Variants in SYNE2 observed in about 807,000 individuals in gnomAD.
SYNE2 encodes the protein spectrin repeat containing nuclear envelope protein 2.
In SYNE2, 431 loss-of-function variants were observed where a neutral mutation model predicts 856.3. The observed-to-expected ratio is 0.50, with a 90% CI of 0.47 to 0.55. SYNE2 has a LOEUF of 0.55. Ranked by LOEUF, SYNE2 falls within the 20% of genes least tolerant of loss-of-function variation. The pLI, the probability that SYNE2 is intolerant of heterozygous loss-of-function variation, is 0.00. For missense variants in SYNE2, 8,129 were observed against 8,023.2 expected, an observed-to-expected ratio of 1.01 and a Z score of -0.50; for synonymous variants, 2,923 against 2,872.3, an observed-to-expected ratio of 1.02 and a Z score of -0.56.
At position 63,832,751 on chromosome 14, in the gene SYNE2, G is replaced by A. The variant is rs368221459; in HGVS notation, c.-304-19750G>A. ...TTACTGGTAAATAATAATGCAGACCGGGTGCCATGGCTCACACCTGTAATC... is the reference window on the plus strand; with the variant it reads ...TTACTGGTAAATAATAATGCAGACCAGGTGCCATGGCTCACACCTGTAATC... On this transcript the variant is annotated intron_variant, in intron 1 of 23. Transcript: ENST00000674003. Among the ~76,000 whole-genome samples the A allele has an allele frequency of 5.1e-4, 78 of 151,528 alleles. 1 individual carries two copies. In the South Asian group the frequency reaches 0.013, roughly 24 times the overall value.
At chr14:63,874,734 G>T (rs768995769) in intron 1 of SYNE2, among the ~76,000 whole-genome samples, 5 of 152,146 alleles carry the variant, frequency 3.3e-5, no homozygotes, top group Non-Finnish European at 7.4e-5. Flanking sequence ...CTTGCAAGAA[G>T]ATTTAGCAAT....
At position 63,973,465 on chromosome 14, in the gene SYNE2, C is replaced by G. The variant is rs187989209; in HGVS notation, c.1129-3098C>G. On this transcript the variant is annotated intron_variant, in intron 11 of 115. Transcript: ENST00000555002. ...TGGTCAACATGGTGAAACCTCGTCT[C>G]TACTAAAAACACAAAAATTAGCCAG... Among the ~76,000 whole-genome samples the G allele has an allele frequency of 1.7e-3, 260 of 151,586 alleles. 1 individual carries two copies. The highest frequency in any genetic ancestry group is 6.0e-3 in the African/African-American group (247 of 41,328).
Position 64,202,913 on chromosome 14 carries a change from T to G in SYNE2, c.18151T>G (p.Tyr6051Asp), listed in dbSNP as rs1397671989. 1.2e-6 allele frequency: 2 copies of G among 1,614,234 alleles called. No homozygotes were observed. The highest frequency in any genetic ancestry group is 8.5e-7 in the Non-Finnish European group (1 of 1,180,038). Residue 6051 changes from tyrosine to aspartate, a missense_variant, in exon 100 of 116, where the codon TAT becomes GAT. Physicochemically the swap from Tyr to Asp is radical, Grantham distance 160. Transcript: ENST00000555002. ...IESELSKPVV[Y>D]DVCDDQEIQK... ...GTCTGAGCTTTCCAAGCCTGTTGTT[T>G]ATGATGTCTGCGATGATCAAGAGAT...
At chr14:63,774,194 C>T (rs912111995) in intron 1 of SYNE2, among the ~76,000 whole-genome samples, 2 of 150,700 alleles carry the variant, frequency 1.3e-5, no homozygotes, top group African/African-American at 4.9e-5. Context: ...ATTGGGCAGG[C>T]GCAGTGGCTC....
Position 64,208,839 on chromosome 14 carries a change from G to A in SYNE2, c.18283G>A (p.Asp6095Asn), listed in dbSNP as rs1018261125. Residue 6095 changes from aspartate (D) to asparagine (N), a missense_variant, in exon 101 of 116, where the codon GAT (aspartate) becomes AAT (asparagine). Physicochemically the swap from Asp to Asn is conservative, Grantham distance 23. Transcript: ENST00000555002. ...NICDVLLHDS[D>N]ACANETECDS... Reference sequence around the variant, plus strand: ...CTGTGACGTCCTACTGCACGACTCCGATGCCTGTGCAAATGAGACCGAGTG... The same window carrying A: ...CTGTGACGTCCTACTGCACGACTCCAATGCCTGTGCAAATGAGACCGAGTG... The A allele has an allele frequency of 8.1e-6, 13 of 1,614,094 alleles. No individual in the cohort carries two copies. Among genetic ancestry groups the A allele is most frequent in the South Asian group, 1.1e-5 (1 of 91,088 alleles).
chr14:63,807,166 A>G (rs984586246), intron 1 of SYNE2, among the ~76,000 whole-genome samples: 3 of 152,134 alleles, frequency 2.0e-5, no homozygotes, highest in Non-Finnish European at 4.4e-5. Context: ...TACAAAAAGT[A>G]CCAAAAAATA....
chr14:64,132,915 G>T (rs928304971), intron 77 of SYNE2, among the ~76,000 whole-genome samples: 1 of 152,048 alleles, frequency 6.6e-6, no homozygotes, highest in Non-Finnish European at 1.5e-5. Flanking sequence ...AATAAAATAG[G>T]AAGGAGGCCG....
chr14:63,888,786 T>G (rs1321459945), intron 1 of SYNE2, among the ~76,000 whole-genome samples: 2 of 152,236 alleles, frequency 1.3e-5, no homozygotes, highest in Non-Finnish European at 2.9e-5. Context: ...ATGTAAATTT[T>G]TATGAACCAT....
chr14:64,134,306 A>G (rs932095365), intron 78 of SYNE2, 106 bp downstream of exon 78: 41 of 1,172,636 alleles, frequency 3.5e-5, no homozygotes, highest in Non-Finnish European at 5.0e-5. Flanking sequence ...TTGAAACAAA[A>G]TGTTCATCAT....
At chr14:63,823,474 G>A (rs1889304528) in intron 1 of SYNE2, among the ~76,000 whole-genome samples, 1 of 151,936 alleles carries the variant, frequency 6.6e-6, no homozygotes, top group Non-Finnish European at 1.5e-5. Flanking sequence ...ACCACACCCA[G>A]CCCAAGTCTA....
At position 64,081,701 on chromosome 14, in the gene SYNE2, C is replaced by G. The variant is rs17101626; in HGVS notation, c.11484+121C>G. 0.044 allele frequency: 51,046 copies of G among 1,150,410 alleles called. 1,703 individuals carry two copies. The highest frequency in any genetic ancestry group is 0.15 in the African/African-American group (10,100 of 66,066). 71.3% of individuals were successfully genotyped at this position (1,150,410 alleles called of 1,614,324 possible). ...AATACAACCTTACCGCTAACCATGT[C>G]AGTGGCAGAAGGAAGCTTGAGAGAG... On this transcript the variant is annotated intron_variant, in intron 57 of 115. Transcript: ENST00000555002.
chr14:63,865,932 A>G (rs1251737014), intron 1 of SYNE2, among the ~76,000 whole-genome samples: 1 of 152,056 alleles, frequency 6.6e-6, no homozygotes, highest in Non-Finnish European at 1.5e-5. Context: ...TCCAACAACA[A>G]AAATGTTCCT....
chr14:64,049,540 G>GAAA, intron 46 of SYNE2, 71 bp from the exon 47 acceptor site: 2 of 1,528,898 alleles, frequency 1.3e-6, no homozygotes, highest in Non-Finnish European at 1.8e-6. Flanking sequence ...TCTCAAAGAG[G>GAAA]AAAGAAGATG....
chr14:64,219,869 C>G (rs2098686588), intron 110 of SYNE2, among the ~76,000 whole-genome samples: 2 of 152,168 alleles, frequency 1.3e-5, no homozygotes, highest in Non-Finnish European at 2.9e-5. Flanking sequence ...CCCTTTTATG[C>G]AATTAGGATG....
chr14:64,049,736 G>C lies in SYNE2; in HGVS notation c.7503G>C (p.Leu2501Phe). ...LHNIGYSAQH[L>F]DNLLQALITL... ...ATATAGGATATTCGGCACAGCATTTGGACAATTTGCTTCAGGCACTTATTA... is the reference window on the plus strand; with the variant it reads ...ATATAGGATATTCGGCACAGCATTTCGACAATTTGCTTCAGGCACTTATTA... The change falls in exon 47 of 116, where the codon TTG (leucine) becomes TTC (phenylalanine). Residue 2501 changes from leucine to phenylalanine, a missense_variant. By Grantham distance (22) the Leu-to-Phe change is conservative. Coordinates refer to ENST00000555002, the MANE Select transcript of SYNE2 (RefSeq NM_182914.3). The C allele has an allele frequency of 1.9e-6, 3 of 1,614,082 alleles. No individual in the cohort carries two copies. The highest frequency in any genetic ancestry group is 2.5e-6 in the Non-Finnish European group (3 of 1,180,004).
intron 1 of SYNE2, among the ~76,000 whole-genome samples, chr14:63,868,433 C>T (rs1359791895): frequency 6.6e-6 from 1 of 151,336 alleles, no homozygotes; most frequent in Non-Finnish European, 1.5e-5. Flanking sequence ...CGAGATCATG[C>T]CACTGCACTC....
At chr14:64,162,409 T>C in intron 88 of SYNE2, 133 bp downstream of exon 88, 1 of 938,628 alleles carries the variant, frequency 1.1e-6, no homozygotes, top group Non-Finnish European at 1.7e-6. Context: ...ACTTGCCATG[T>C]AGGACATAGG....
intron 7 of SYNE2, 83 bp from the exon 8 acceptor site, chr14:63,954,635 AT>A (rs2096216615): frequency 4.6e-6 from 6 of 1,312,474 alleles, no homozygotes; most frequent in Non-Finnish European, 6.4e-6. Context: ...GATTTGCCAA[AT>A]TTTAATTACT....
At chr14:64,180,231 C>T (rs927409731) in intron 96 of SYNE2, among the ~76,000 whole-genome samples, 11 of 152,198 alleles carry the variant, frequency 7.2e-5, no homozygotes, top group Admixed American at 2.0e-4. Flanking sequence ...TTGATTACTG[C>T]ACTTTATTGT....
Sources: allele counts gnomAD v4.1 joint callset (sites outside exome capture counted in the v4.1 genomes callset), GRCh38; gene constraint gnomAD v4.1.1; transcripts MANE v1.5; gene names NCBI Gene and HGNC (gene_info 2026-07-23, HGNC 2026-07-21).